Variants in NIBAN2 observed in about 807,000 individuals in gnomAD.
The protein encoded by NIBAN2 is protein Niban 2.
Under a neutral mutation model 81.8 loss-of-function variants are expected in NIBAN2, and 36 were observed. The observed-to-expected ratio is 0.44, with a 90% CI of 0.34 to 0.58. The LOEUF is 0.58. Among genes scored for constraint, NIBAN2 ranks in the 20% least tolerant of loss-of-function variants. NIBAN2 has a pLI of 0.02. For synonymous variants in NIBAN2, 445 were observed against 441.6 expected, an observed-to-expected ratio of 1.01 and a Z score of -0.10; for missense variants, 897 against 1,014.1, an observed-to-expected ratio of 0.88 and a Z score of 1.57.
chr9:127,543,279 A>G (rs975410596), intron 1 of NIBAN2, among the ~76,000 whole-genome samples: 1 of 152,134 alleles, frequency 6.6e-6, no homozygotes, highest in Non-Finnish European at 1.5e-5. Context: ...CTGGCTGGGG[A>G]CACCTCACGC....
rs751207485 is a variant in NIBAN2, at chr9:127,507,290, C to A, written c.1796G>T (p.Gly599Val). The change falls in exon 14 of 14, where the codon GGC (glycine) becomes GTC (valine). Residue 599 changes from glycine to valine, a missense_variant. Coordinates refer to ENST00000373312, the MANE Select transcript of NIBAN2 (RefSeq NM_022833.4). This position sits in a 1 kb window ranked among gnomAD's most constrained non-coding sequence, Gnocchi z 6.8. Reference protein sequence around the residue: ...WGEEYSNSGGGGSPSPSTPES... With the variant: ...WGEEYSNSGGVGSPSPSTPES... The stretch of plus-strand genomic sequence containing the variant: ...CGGGGTGCTGGGGCTGGGGCTGCCG[C>A]CCCCGCCGCTGTTGCTGTACTCCTC... 6.3e-7 allele frequency: 1 copy of A among 1,593,274 alleles called. No individual in the cohort carries two copies. Among genetic ancestry groups the A allele is most frequent in the Non-Finnish European group, 8.6e-7 (1 of 1,167,538 alleles).
intron 3 of NIBAN2, 105 bp downstream of exon 3, chr9:127,527,089 C>T: frequency 2.1e-6 from 3 of 1,428,542 alleles, no homozygotes; most frequent in Non-Finnish European, 2.9e-6. Flanking sequence ...TGACCGCGTG[C>T]AGGCTGTGAC....
chr9:127,541,135 C>T (rs191011097), intron 1 of NIBAN2, among the ~76,000 whole-genome samples: 29 of 152,314 alleles, frequency 1.9e-4, no homozygotes, highest in Admixed American at 1.7e-3. Context: ...CAAGCACCAC[C>T]ATCTCCATCA....
chr9:127,515,498 G>A (rs556549864), intron 8 of NIBAN2, among the ~76,000 whole-genome samples: 285 of 142,928 alleles, frequency 2.0e-3, no homozygotes, highest in African/African-American at 7.1e-3. Context: ...TCCAGCCTGG[G>A]CGACAGAGCG....
At chr9:127,516,115 C>G (rs553583207) in intron 8 of NIBAN2, among the ~76,000 whole-genome samples, 2 of 149,440 alleles carry the variant, frequency 1.3e-5, no homozygotes, top group African/African-American at 4.9e-5. Flanking sequence ...AGAGTGAAAC[C>G]CTGTCTCAAA....
chr9:127,535,970 G>A (rs1837269309), intron 1 of NIBAN2, among the ~76,000 whole-genome samples: 1 of 152,116 alleles, frequency 6.6e-6, no homozygotes, highest in African/African-American at 2.4e-5. Flanking sequence ...CATTAGCAAG[G>A]GGTTAAGGAC....
chr9:127,575,179 C>T (rs981239608), intron 1 of NIBAN2, among the ~76,000 whole-genome samples: 1 of 152,068 alleles, frequency 6.6e-6, no homozygotes, highest in Non-Finnish European at 1.5e-5. Flanking sequence ...GATTTCACAT[C>T]CTCAAACTAG....
chr9:127,557,008 T>C (rs1452550874), intron 1 of NIBAN2, among the ~76,000 whole-genome samples: 1 of 151,894 alleles, frequency 6.6e-6, no homozygotes, highest in Non-Finnish European at 1.5e-5. Context: ...GCCCGGGAGG[T>C]TGAGGCTGCA....
At chr9:127,577,960 G>C (rs1033501832) in intron 1 of NIBAN2, among the ~76,000 whole-genome samples, 7 of 152,052 alleles carry the variant, frequency 4.6e-5, no homozygotes, top group Non-Finnish European at 8.8e-5. Flanking sequence ...GGAGGCTGAG[G>C]CAGGTGGCTC....
intron 1 of NIBAN2, among the ~76,000 whole-genome samples, chr9:127,538,431 A>G (rs908711023): frequency 2.0e-5 from 3 of 152,178 alleles, no homozygotes; most frequent in Non-Finnish European, 4.4e-5. Context: ...GCTGCCACCC[A>G]GGAAGCACTC....
chr9:127,516,619 TGAAAA>T (rs921694876), intron 8 of NIBAN2, among the ~76,000 whole-genome samples: 1 of 152,148 alleles, frequency 6.6e-6, no homozygotes, highest in African/African-American at 2.4e-5. Context: ...GAGTCAGAGA[TGAAAA>T]GAAGGCTTGA....
intron 1 of NIBAN2, among the ~76,000 whole-genome samples, chr9:127,547,448 T>C (rs1400168761): frequency 6.6e-6 from 1 of 151,800 alleles, no homozygotes; most frequent in African/African-American, 2.4e-5. Flanking sequence ...ACCTAGGAAG[T>C]GGAGGTTGCA....
chr9:127,560,285 C>T (rs1332701937), intron 1 of NIBAN2, among the ~76,000 whole-genome samples: 2 of 152,160 alleles, frequency 1.3e-5, no homozygotes, highest in Admixed American at 1.3e-4. Flanking sequence ...CCCTGCACAG[C>T]ACCATCACTG....
At chr9:127,566,079 C>G (rs561355922) in intron 1 of NIBAN2, among the ~76,000 whole-genome samples, 1 of 151,922 alleles carries the variant, frequency 6.6e-6, no homozygotes, top group Admixed American at 6.6e-5. Context: ...CTGCAATTAG[C>G]TATGATGATG....
chr9:127,539,537 T>G (rs1310344537), intron 1 of NIBAN2, among the ~76,000 whole-genome samples: 1 of 152,132 alleles, frequency 6.6e-6, no homozygotes, highest in Non-Finnish European at 1.5e-5. Flanking sequence ...TGGTGGAGAA[T>G]CATCCGACCC....
chr9:127,575,137 C>G (rs535420742), intron 1 of NIBAN2, among the ~76,000 whole-genome samples: 4 of 152,218 alleles, frequency 2.6e-5, no homozygotes, highest in African/African-American at 4.8e-5. Context: ...TCCCTCCCCC[C>G]ACTTCCCCTC....
intron 8 of NIBAN2, among the ~76,000 whole-genome samples, chr9:127,515,697 C>A (rs1029771331): frequency 7.3e-5 from 11 of 151,322 alleles, no homozygotes; most frequent in African/African-American, 2.7e-4. Context: ...ATTAGCTGGG[C>A]ATGGTAGCAG....
At chr9:127,516,819 C>T (rs1439250938) in intron 8 of NIBAN2, 38 bp downstream of exon 8, 5 of 1,590,616 alleles carry the variant, frequency 3.1e-6, no homozygotes, top group Non-Finnish European at 4.3e-6. Context: ...CCACCTTGGC[C>T]CCTGGAGGGC....
chr9:127,539,334 T>C (rs1366771454), intron 1 of NIBAN2, among the ~76,000 whole-genome samples: 1 of 152,128 alleles, frequency 6.6e-6, no homozygotes, highest in East Asian at 1.9e-4. Flanking sequence ...ACCCCTGGTT[T>C]TCCACTCTCT....
Sources: gnomAD v4.1 joint callset for allele counts (sites outside exome capture counted in the v4.1 genomes callset) on GRCh38, gnomAD v4.1.1 for gene constraint, Gnocchi (gnomAD v3.1) non-coding constraint, MANE v1.5 for transcripts, NCBI Gene and HGNC (gene_info 2026-07-23, HGNC 2026-07-21) for gene names.